Variants in C1QA observed in about 807,000 individuals in gnomAD.
C1QA encodes the protein complement C1q A chain, also known as complement C1q subcomponent subunit A.
A neutral mutation model predicts 6.9 loss-of-function variants in C1QA; 3 were observed. That is an observed-to-expected ratio of 0.44 (90% CI 0.20 to 1.12). C1QA has a LOEUF of 1.12. Ranked by LOEUF, C1QA falls within the 50% of genes most tolerant of loss-of-function variation. C1QA has a pLI of 0.27. For missense variants in C1QA, 273 were observed against 326.6 expected, an observed-to-expected ratio of 0.84 and a Z score of 1.26; for synonymous variants, 128 against 134.1, an observed-to-expected ratio of 0.95 and a Z score of 0.31.
rs1370367887 is a variant in C1QA, at chr1:22,639,430, C to T, written c.*23C>T. On this transcript the variant is annotated 3_prime_UTR_variant, in exon 3 of 3. Coordinates refer to ENST00000374642, the MANE Select transcript of C1QA (RefSeq NM_015991.4). This position sits in a 1 kb window ranked among gnomAD's most constrained non-coding sequence, Gnocchi z 4.6. ...TGAGCCAGGGAAGGACCCCCTCCCCCACCCACCTCTCTGGCTTCCATGCTC... is the reference window on the plus strand; with the variant it reads ...TGAGCCAGGGAAGGACCCCCTCCCCTACCCACCTCTCTGGCTTCCATGCTC... 5 of 1,609,066 alleles carry T rather than the reference C, an allele frequency of 3.1e-6. No individual in the cohort carries two copies. In the Admixed American group the frequency reaches 8.4e-5, roughly 27 times the overall value.
Position 22,639,280 on chromosome 1 carries a change from G to A in C1QA, c.611G>A (p.Gly204Asp). The A allele has an allele frequency of 3.1e-6, 5 of 1,614,114 alleles. No homozygotes were observed. Among genetic ancestry groups the A allele is most frequent in the Non-Finnish European group, 4.2e-6 (5 of 1,179,968 alleles). Residue 204 changes from glycine to aspartate, a missense_variant, in exon 3 of 3, where the codon GGC becomes GAC. Transcript: ENST00000374642. The surrounding 1 kb of genome is among the most constrained non-coding windows in gnomAD (Gnocchi z 4.6). ...NKGLFQVVSG[G>D]MVLQLQQGDQ... ...GGGCTCTTCCAGGTGGTGTCAGGGG[G>A]CATGGTGCTTCAGCTGCAGCAGGGT...
rs867255630 is a variant in C1QA, at chr1:22,638,946, G to A, written c.277G>A (p.Ala93Thr). ...CCCAGGGCCCAGCGGCCCCCTCGGA[G>A]CCCGTGGCATCCCGGGAATTAAAGG... The part of the protein sequence containing the change: ...GYPGPSGPLG[A>T]RGIPGIKGTK... The change falls in exon 3 of 3, where the codon GCC (alanine) becomes ACC (threonine). Residue 93 changes from alanine (A) to threonine (T), a missense_variant. Physicochemically the swap from Ala to Thr is moderately conservative, Grantham distance 58. Coordinates refer to ENST00000374642, the MANE Select transcript of C1QA (RefSeq NM_015991.4). 2.5e-6 allele frequency: 4 copies of A among 1,603,416 alleles called. No homozygotes were observed. Among genetic ancestry groups the A allele is most frequent in the South Asian group, 1.1e-5 (1 of 89,556 alleles).
intron 2 of C1QA, among the ~76,000 whole-genome samples, chr1:22,638,390 A>T (rs753468352): frequency 2.6e-5 from 4 of 152,218 alleles, no homozygotes; most frequent in African/African-American, 4.8e-5. Flanking sequence ...TGACCAAAGT[A>T]GAAAGGGAGT....
chr1:22,639,146 C>T lies in C1QA; in HGVS notation c.477C>T (p.Tyr159=). The T allele has an allele frequency of 6.2e-7, 1 of 1,614,286 alleles. No homozygotes were observed. The highest frequency in any genetic ancestry group is 8.5e-7 in the Non-Finnish European group (1 of 1,180,050). ...TCGTCTGCACTGTACCCGGCTACTACTACTTCACCTTCCAGGTGCTGTCCC... is the reference window on the plus strand; with the variant it reads ...TCGTCTGCACTGTACCCGGCTACTATTACTTCACCTTCCAGGTGCTGTCCC... ...GRFVCTVPGY[Y]YFTFQVLSQW... The change falls in exon 3 of 3, where the codon TAC becomes TAT. Residue 159 remains tyrosine, a synonymous_variant. Coordinates refer to ENST00000374642, the MANE Select transcript of C1QA (RefSeq NM_015991.4). This position sits in a 1 kb window ranked among gnomAD's most constrained non-coding sequence, Gnocchi z 4.6.
intron 2 of C1QA, 140 bp from the exon 3 acceptor site, chr1:22,638,691 TCA>T: frequency 2.1e-6 from 2 of 947,244 alleles, no homozygotes; most frequent in South Asian, 2.8e-5. Flanking sequence ...TTGCCCAAAG[TCA>T]CACAGCCAAT....
rs1213470568 is a variant in C1QA, at chr1:22,637,666, T to G, written c.50T>G (p.Leu17Arg). Reference protein sequence around the residue: ...WLVLCVLAISLASMVTEDLCR... With the variant: ...WLVLCVLAISRASMVTEDLCR... Reference sequence around the variant, plus strand: ...GTGCTCTGTGTGCTGGCCATATCGCTGGCCTCTATGGTGACCGAGGACTTG... The same window carrying G: ...GTGCTCTGTGTGCTGGCCATATCGCGGGCCTCTATGGTGACCGAGGACTTG... The change falls in exon 2 of 3, where the codon CTG (leucine) becomes CGG (arginine). Residue 17 changes from leucine (L) to arginine (R), a missense_variant. Coordinates refer to ENST00000374642, the MANE Select transcript of C1QA (RefSeq NM_015991.4). This position sits in a 1 kb window ranked among gnomAD's most constrained non-coding sequence, Gnocchi z 4.4. 1.9e-6 allele frequency: 3 copies of G among 1,614,082 alleles called. No individual in the cohort carries two copies. The highest frequency in any genetic ancestry group is 2.5e-6 in the Non-Finnish European group (3 of 1,179,970).
chr1:22,638,722 G>A, intron 2 of C1QA, 111 bp from the exon 3 acceptor site: 1 of 1,216,258 alleles, frequency 8.2e-7, no homozygotes, highest in Non-Finnish European at 1.2e-6. Flanking sequence ...ATGTCCTGAA[G>A]GCCCAGGTGC....
rs776583731 is a variant in C1QA at position 22,639,362 on chromosome 1, G to C, written c.693G>C (p.Glu231Asp). The change falls in exon 3 of 3, where the codon GAG (glutamate) becomes GAC (aspartate). Residue 231 changes from glutamate (E) to aspartate (D), a missense_variant. Transcript: ENST00000374642. The surrounding 1 kb of genome is among the most constrained non-coding windows in gnomAD (Gnocchi z 4.6). ...PKKGHIYQGS[E>D]ADSVFSGFLI... ...AGGGTCACATTTACCAGGGCTCTGA[G>C]GCCGACAGCGTCTTCAGCGGCTTCC... The C allele has an allele frequency of 2.5e-6, 4 of 1,614,082 alleles. No homozygotes were observed. The highest frequency in any genetic ancestry group is 1.1e-5 in the South Asian group (1 of 91,084).
Position 22,639,536 on chromosome 1 carries a change from GTGACACATGC to G in C1QA, c.*131_*140del, listed in dbSNP as rs560644440. 739 of 1,009,144 alleles carry G rather than the reference GTGACACATGC, an allele frequency of 7.3e-4. 1 individual carries two copies. The highest frequency in any genetic ancestry group is 1.6e-3 in the Admixed American group (70 of 43,390). 62.5% of individuals were successfully genotyped at this position (1,009,144 alleles called of 1,614,324 possible). ...TGAGAGCCCCAGGACTGGCTGCCCCGTGACACATGCTCTAAGAAGCTCGTTTCTTAGACCT... is the reference window on the plus strand; with the variant it reads ...TGAGAGCCCCAGGACTGGCTGCCCCGTCTAAGAAGCTCGTTTCTTAGACCT... On this transcript the variant is annotated 3_prime_UTR_variant, in exon 3 of 3. Coordinates refer to ENST00000374642, the MANE Select transcript of C1QA (RefSeq NM_015991.4). The surrounding 1 kb of genome is among the most constrained non-coding windows in gnomAD (Gnocchi z 4.6).
Position 22,637,779 on chromosome 1 carries a change from G to T in C1QA, c.163G>T (p.Gly55Trp). ...PGLKGEQGEP[G>W]APGIRTGIQG... ...CCTCAAGGGGGAGCAAGGGGAGCCG[G>T]GTAAGCACCCTTCCTCGGGACCCAG... is the stretch of plus-strand genomic sequence containing the variant. Residue 55 changes from glycine to tryptophan, a missense_variant and splice_region_variant, in exon 2 of 3, where the codon GGG (glycine) becomes TGG (tryptophan). Coordinates refer to ENST00000374642, the MANE Select transcript of C1QA (RefSeq NM_015991.4). This position sits in a 1 kb window ranked among gnomAD's most constrained non-coding sequence, Gnocchi z 4.4. 1 of 1,574,950 alleles carries T rather than the reference G, an allele frequency of 6.3e-7. No individual in the cohort carries two copies. The highest frequency in any genetic ancestry group is 8.6e-7 in the Non-Finnish European group (1 of 1,160,536).
rs773758868 is a variant in C1QA, at chr1:22,639,371, C to T, written c.702C>T (p.Ser234=). The part of the protein sequence containing the change: ...GHIYQGSEAD[S]VFSGFLIFPS... The stretch of plus-strand genomic sequence containing the variant: ...TTTACCAGGGCTCTGAGGCCGACAG[C>T]GTCTTCAGCGGCTTCCTCATCTTCC... Residue 234 remains serine, a synonymous_variant, in exon 3 of 3, where the codon AGC becomes AGT. Transcript: ENST00000374642. This position sits in a 1 kb window ranked among gnomAD's most constrained non-coding sequence, Gnocchi z 4.6. The T allele has an allele frequency of 4.3e-6, 7 of 1,613,954 alleles. No individual in the cohort carries two copies. Among genetic ancestry groups the T allele is most frequent in the South Asian group, 2.2e-5 (2 of 91,076 alleles).
At chr1:22,636,924 G>A (rs1323360212) in intron 1 of C1QA, 1 of 153,356 alleles carries the variant, frequency 6.5e-6, no homozygotes, top group African/African-American at 2.4e-5. Context: ...CGATGAGTTA[G>A]ACCTAACAAC....
In C1QA at chr1:22,639,467, T is replaced by C; in HGVS notation, c.*60T>C. 2 of 1,583,574 alleles carry C rather than the reference T, an allele frequency of 1.3e-6. No individual in the cohort carries two copies. The highest frequency in any genetic ancestry group is 1.7e-6 in the Non-Finnish European group (2 of 1,164,880). ...TGGCTTCCATGCTCCGCCTGTAAAA[T>C]GGGGGCGCTATTGCTTCAGCTGCTG... On this transcript the variant is annotated 3_prime_UTR_variant, in exon 3 of 3. Transcript: ENST00000374642. This position sits in a 1 kb window ranked among gnomAD's most constrained non-coding sequence, Gnocchi z 4.6.
rs17884542 is a variant in C1QA at position 22,638,069 on chromosome 1, A to C, written c.163+290A>C. On this transcript the variant is annotated intron_variant, in intron 2 of 2. Transcript: ENST00000374642. ...CAGTGAAAGTGAAAGTTCTGGCAGC[A>C]ATGCTGAGTCCTTGTTCATGTTTCT... 9.1e-4 allele frequency among the ~76,000 whole-genome samples: 138 copies of C among 152,328 alleles called. 3 individuals are homozygous for C. The highest frequency in any genetic ancestry group is 3.1e-3 in the African/African-American group (129 of 41,564).
At position 22,637,717 on chromosome 1, in the gene C1QA, G is replaced by A; in HGVS notation, c.101G>A (p.Gly34Glu). The A allele has an allele frequency of 6.2e-7, 1 of 1,613,166 alleles. No individual in the cohort carries two copies. The highest frequency in any genetic ancestry group is 8.5e-7 in the Non-Finnish European group (1 of 1,179,718). ...DLCRAPDGKK[G>E]EAGRPGRRGR... ...TGCCGAGCACCAGACGGGAAGAAAGGGGAGGCAGGAAGACCTGGCAGACGG... is the reference window on the plus strand; with the variant it reads ...TGCCGAGCACCAGACGGGAAGAAAGAGGAGGCAGGAAGACCTGGCAGACGG... The change falls in exon 2 of 3, where the codon GGG becomes GAG. Residue 34 changes from glycine (G) to glutamate (E), a missense_variant. Transcript: ENST00000374642. This position sits in a 1 kb window ranked among gnomAD's most constrained non-coding sequence, Gnocchi z 4.4.
chr1:22,639,129 A>G lies in C1QA; in HGVS notation c.460A>G (p.Thr154Ala), dbSNP rs1642227539. 6.2e-7 allele frequency: 1 copy of G among 1,614,246 alleles called. No individual in the cohort carries two copies. The highest frequency in any genetic ancestry group is 1.7e-5 in the Admixed American group (1 of 60,034). ...YQNHSGRFVC[T>A]VPGYYYFTFQ... ...GAACCACTCCGGCCGATTCGTCTGCACTGTACCCGGCTACTACTACTTCAC... is the reference window on the plus strand; with the variant it reads ...GAACCACTCCGGCCGATTCGTCTGCGCTGTACCCGGCTACTACTACTTCAC... Residue 154 changes from threonine to alanine, a missense_variant, in exon 3 of 3, where the codon ACT (threonine) becomes GCT (alanine). Thr to Ala is a moderately conservative substitution (Grantham distance 58). Transcript: ENST00000374642. The surrounding 1 kb of genome is among the most constrained non-coding windows in gnomAD (Gnocchi z 4.6).
rs1319282224 is a variant in C1QA, at chr1:22,637,837, G to T, written c.163+58G>T. ...GACCTTGGCCTGACTTGGCCTCCAG[G>T]GTGAAGGCTTGGGGTGGCACTGAGA... On this transcript the variant is annotated intron_variant, in intron 2 of 2. Coordinates refer to ENST00000374642, the MANE Select transcript of C1QA (RefSeq NM_015991.4). This position sits in a 1 kb window ranked among gnomAD's most constrained non-coding sequence, Gnocchi z 4.4. 1.3e-6 allele frequency: 2 copies of T among 1,508,762 alleles called. No homozygotes were observed. The highest frequency in any genetic ancestry group is 2.8e-5 in the African/African-American group (2 of 72,400). The allele number at this position is 1,508,762 out of a possible 1,614,324, so 93.5% of individuals were successfully genotyped here.
chr1:22,637,558 C>A lies in C1QA; in HGVS notation c.-7-52C>A. ...TGTGCATGGGACTCAAGGGTGGGAG[C>A]TGGGTGTGAGTGTGATGTCCAACCT... On this transcript the variant is annotated intron_variant, in intron 1 of 2. Coordinates refer to ENST00000374642, the MANE Select transcript of C1QA (RefSeq NM_015991.4). This position sits in a 1 kb window ranked among gnomAD's most constrained non-coding sequence, Gnocchi z 4.4. 2.5e-6 allele frequency: 4 copies of A among 1,600,856 alleles called. No homozygotes were observed. In the South Asian group the frequency reaches 3.4e-5, roughly 13 times the overall value.
rs2148291183 is a variant in C1QA at position 22,639,122 on chromosome 1, C to T, written c.453C>T (p.Phe151=). ...EEPYQNHSGR[F]VCTVPGYYYF... Reference sequence around the variant, plus strand: ...CGTACCAGAACCACTCCGGCCGATTCGTCTGCACTGTACCCGGCTACTACT... The same window carrying T: ...CGTACCAGAACCACTCCGGCCGATTTGTCTGCACTGTACCCGGCTACTACT... Residue 151 remains phenylalanine, a synonymous_variant, in exon 3 of 3, where the codon TTC becomes TTT. Coordinates refer to ENST00000374642, the MANE Select transcript of C1QA (RefSeq NM_015991.4). This position sits in a 1 kb window ranked among gnomAD's most constrained non-coding sequence, Gnocchi z 4.6. The T allele has an allele frequency of 1.9e-6, 3 of 1,614,248 alleles. No individual in the cohort carries two copies. Among genetic ancestry groups the T allele is most frequent in the Non-Finnish European group, 2.5e-6 (3 of 1,180,036 alleles).
Sources: gnomAD v4.1 joint callset for allele counts (sites outside exome capture counted in the v4.1 genomes callset) on GRCh38, gnomAD v4.1.1 for gene constraint, Gnocchi (gnomAD v3.1) non-coding constraint, MANE v1.5 for transcripts, NCBI Gene and HGNC (gene_info 2026-07-23, HGNC 2026-07-21) for gene names.